The following NOTCH2NLR variants were observed in gnomAD, a reference collection of about 807,000 sequenced individuals.
NOTCH2NLR encodes notch 2 N-terminal like R (pseudogene).
Under a neutral mutation model 35.6 loss-of-function variants are expected in NOTCH2NLR, and 33 were observed. The observed-to-expected ratio is 0.93, with a 90% CI of 0.70 to 1.24. NOTCH2NLR has a LOEUF of 1.24. NOTCH2NLR is among the 50% of genes most tolerant of loss of function. The pLI, the probability that NOTCH2NLR is intolerant of heterozygous loss-of-function variation, is 0.00. For synonymous variants in NOTCH2NLR, 103 were observed against 141.0 expected (o/e 0.73, Z 1.91); for missense variants, 276 against 362.2 (o/e 0.76, Z 1.93).
intron 2 of NOTCH2NLR, among the ~76,000 whole-genome samples, chr1:120,784,711 A>G (rs1651402198): frequency 8.5e-6 from 1 of 117,416 alleles, no homozygotes; most frequent in East Asian, 2.1e-4. Context: ...TTACTTAGTA[A>G]TTTTGTTTTC....
chr1:120,791,461 T>G lies in NOTCH2NLR; in HGVS notation c.416-1700T>G, dbSNP rs1209427056. ...GCACATATACACCATGGAATACTAT[T>G]CAGCCATAAAAAAGGATGAGTTCAT... On this transcript the variant is annotated intron_variant, in intron 3 of 4. Coordinates refer to ENST00000624419, the Ensembl canonical transcript of NOTCH2NLR. Among the ~76,000 whole-genome samples, 23 of 101,856 alleles carry G rather than the reference T, an allele frequency of 2.3e-4. 6 individuals are homozygous for G. Among genetic ancestry groups the G allele is most frequent in the Non-Finnish European group, 3.4e-4 (19 of 55,378 alleles). 66.8% of individuals were successfully genotyped at this position (101,856 alleles called of 152,430 possible).
At chr1:120,763,743 G>C in intron 2 of NOTCH2NLR, 34 bp downstream of exon 2, 1 of 862,404 alleles carries the variant, frequency 1.2e-6, no homozygotes. Flanking sequence ...TTCTTTTTGC[G>C]ATAGAACACT....
At chr1:120,728,870 G>A (rs1326712195) in intron 1 of NOTCH2NLR, among the ~76,000 whole-genome samples, 4 of 110,122 alleles carry the variant, frequency 3.6e-5, no homozygotes, top group South Asian at 2.6e-4. Context: ...AAAACTAAAG[G>A]TGAAATATGA....
chr1:120,764,269 T>TA lies in NOTCH2NLR; in HGVS notation c.155+567dup, dbSNP rs1360663412. On this transcript the variant is annotated intron_variant, in intron 2 of 4. Transcript: ENST00000624419. ...CTCAAAAAGAAATAAAAAAAATATA[T>TA]AAAAAAATATATATTAGATTCCCTT... Among the ~76,000 whole-genome samples, 2 of 107,366 alleles carry TA rather than the reference T, an allele frequency of 1.9e-5. 1 individual carries two copies. Among genetic ancestry groups the TA allele is most frequent in the South Asian group, 5.4e-4 (2 of 3,694 alleles). 70.4% of individuals were successfully genotyped at this position (107,366 alleles called of 152,430 possible).
intron 1 of NOTCH2NLR, among the ~76,000 whole-genome samples, chr1:120,733,146 A>G (rs1650882194): frequency 9.5e-6 from 1 of 105,564 alleles, no homozygotes; most frequent in Non-Finnish European, 1.7e-5. Context: ...TAGTTTATGA[A>G]CAGATCTACA....
rs1487325463 is a variant in NOTCH2NLR, at chr1:120,755,934, T to C, written c.74-7694T>C. On this transcript the variant is annotated intron_variant, in intron 1 of 4. Coordinates refer to ENST00000624419, the Ensembl canonical transcript of NOTCH2NLR. ...ACAAAATCGATTTATCTCTTATTGC[T>C]TTTTTTTTTTTTTTTTTTTTTCCTT... is the stretch of plus-strand genomic sequence containing the variant. 2.2e-5 allele frequency among the ~76,000 whole-genome samples: 2 copies of C among 92,352 alleles called. 1 individual carries two copies. Among genetic ancestry groups the C allele is most frequent in the Non-Finnish European group, 3.9e-5 (2 of 51,124 alleles). 60.6% of individuals were successfully genotyped at this position (92,352 alleles called of 152,430 possible). A position where few individuals can be genotyped will look rare whatever the true frequency, so the allele number is the denominator to read the frequency against.
chr1:120,793,812 A>T (rs1333595362), exon 5 of NOTCH2NLR: 42,903 of 959,052 alleles, frequency 0.045, 7,921 homozygotes, highest in Non-Finnish European at 0.052. Flanking sequence ...ATGGAAAAGA[A>T]CACGATGAGA....
rs1353895584 is a variant in NOTCH2NLR, at chr1:120,790,464, G to A, written c.416-2697G>A. Among the ~76,000 whole-genome samples, 3 of 116,922 alleles carry A rather than the reference G, an allele frequency of 2.6e-5. 1 individual carries two copies. Among genetic ancestry groups the A allele is most frequent in the Non-Finnish European group, 4.9e-5 (3 of 60,904 alleles). The allele number at this position is 116,922 out of a possible 152,430, so 76.7% of individuals were successfully genotyped here. A position where few individuals can be genotyped will look rare whatever the true frequency, so the allele number is the denominator to read the frequency against. On this transcript the variant is annotated intron_variant, in intron 3 of 4. Transcript: ENST00000624419. ...ACTCAGAGATGAAGAAGCAGAGGCA[G>A]CAAGTTAGTGCCTATACATAATATA...
In NOTCH2NLR at chr1:120,767,683, G is replaced by A. The variant is rs1651209103; in HGVS notation, c.155+3974G>A. ...TTTTATTCTTTCCCTTGTCCTACTG[G>A]GAGGTGTAAATATGTAATTAAATTT... On this transcript the variant is annotated intron_variant, in intron 2 of 4. Transcript: ENST00000624419. Among the ~76,000 whole-genome samples the A allele has an allele frequency of 4.6e-5, 5 of 108,532 alleles. No homozygotes were observed. In the South Asian group the frequency reaches 1.4e-3, roughly 30 times the overall value. The allele number at this position is 108,532 out of a possible 152,430, so 71.2% of individuals were successfully genotyped here.
intron 3 of NOTCH2NLR, among the ~76,000 whole-genome samples, chr1:120,790,552 CTT>C (rs1651477647): frequency 1.0e-5 from 1 of 97,758 alleles, no homozygotes; most frequent in South Asian, 3.0e-4. Flanking sequence ...TTCTTTCTTT[CTT>C]TCTTTCTTTC....
At chr1:120,727,790 T>A (rs1650831592) in intron 1 of NOTCH2NLR, among the ~76,000 whole-genome samples, 1 of 118,038 alleles carries the variant, frequency 8.5e-6, no homozygotes, top group Non-Finnish European at 1.6e-5. Context: ...GCTTTCCTGA[T>A]TTTCCTGTTT....
Position 120,785,138 on chromosome 1 carries a change from A to T in NOTCH2NLR, c.320A>T (p.His107Leu), listed in dbSNP as rs1651407377. 21 of 1,446,234 alleles carry T rather than the reference A, an allele frequency of 1.5e-5. 4 individuals are homozygous for T. The highest frequency in any genetic ancestry group is 1.8e-5 in the Non-Finnish European group (19 of 1,082,352). The allele number at this position is 1,446,234 out of a possible 1,614,324, so 89.6% of individuals were successfully genotyped here. The stretch of plus-strand genomic sequence containing the variant: ...GAGGACTGCCAGTACTCGACACCTC[A>T]TCCATGCTTTGTGTCTCGACCTTGC... Residue 107 changes from histidine (H) to leucine (L), a missense_variant, in exon 3 of 5, where the codon CAT becomes CTT. Transcript: ENST00000624419.
intron 2 of NOTCH2NLR, among the ~76,000 whole-genome samples, chr1:120,780,102 A>G (rs2101443221): frequency 8.1e-6 from 1 of 124,176 alleles, no homozygotes; most frequent in African/African-American, 4.0e-5. Flanking sequence ...ATCACATGAA[A>G]TTTAGCCTGC....
chr1:120,759,924 A>G (rs1390001571), intron 1 of NOTCH2NLR, among the ~76,000 whole-genome samples: 1 of 102,204 alleles, frequency 9.8e-6, no homozygotes, highest in Non-Finnish European at 1.8e-5. Context: ...ATATACAAAA[A>G]AATTCTTCTT....
rs1376656271 is a variant in NOTCH2NLR at position 120,724,150 on chromosome 1, G to A, written c.-28G>A. 48 of 583,598 alleles carry A rather than the reference G, an allele frequency of 8.2e-5. 10 individuals are homozygous for A. Among genetic ancestry groups the A allele is most frequent in the Non-Finnish European group, 1.1e-4 (45 of 396,820 alleles). The allele number at this position is 583,598 out of a possible 1,614,324, so 36.2% of individuals were successfully genotyped here. On this transcript the variant is annotated 5_prime_UTR_variant, in exon 1 of 5. Transcript: ENST00000624419. ...CCCAGGCGGCGGCGGCGGCGGCGGC[G>A]GAGGAGGAGGAGGAGGCGACCGAGA...
chr1:120,760,543 C>T lies in NOTCH2NLR; in HGVS notation c.74-3085C>T, dbSNP rs1651125981. 5.1e-5 allele frequency among the ~76,000 whole-genome samples: 2 copies of T among 39,566 alleles called. 1 individual carries two copies. The allele number at this position is 39,566 out of a possible 152,430, so 26.0% of individuals were successfully genotyped here. A position where few individuals can be genotyped will look rare whatever the true frequency, so the allele number is the denominator to read the frequency against. ...CCATAACTTGGTATGGGTGTACAGA[C>T]ATCTTTTCAATAAACTGATTTAAAA... On this transcript the variant is annotated intron_variant, in intron 1 of 4. Transcript: ENST00000624419.
chr1:120,768,013 T>C (rs1377277328), intron 2 of NOTCH2NLR, among the ~76,000 whole-genome samples: 1 of 112,466 alleles, frequency 8.9e-6, no homozygotes, highest in East Asian at 2.2e-4. Flanking sequence ...GTATGGTAGT[T>C]TTACATTACT....
intron 1 of NOTCH2NLR, among the ~76,000 whole-genome samples, chr1:120,752,552 A>ATTTTTT (rs1386751525): frequency 5.6e-3 from 50 of 8,972 alleles, no homozygotes; most frequent in Non-Finnish European, 7.0e-3. Flanking sequence ...ATATATATAT[A>ATTTTTT]TATTTTTTTT....
At position 120,790,480 on chromosome 1, in the gene NOTCH2NLR, AC is replaced by A. The variant is rs1377781803; in HGVS notation, c.416-2680del. ...GCAGAGGCAGCAAGTTAGTGCCTAT[AC>A]ATAATATATATGGAAACCAAATTCA... On this transcript the variant is annotated intron_variant, in intron 3 of 4. Transcript: ENST00000624419. Among the ~76,000 whole-genome samples the A allele has an allele frequency of 6.0e-5, 7 of 116,608 alleles. 3 individuals are homozygous for A. The highest frequency in any genetic ancestry group is 3.5e-4 in the African/African-American group (7 of 19,842). The allele number at this position is 116,608 out of a possible 152,430, so 76.5% of individuals were successfully genotyped here. A position where few individuals can be genotyped will look rare whatever the true frequency, so the allele number is the denominator to read the frequency against.
Sources: allele counts gnomAD v4.1 joint callset (sites outside exome capture counted in the v4.1 genomes callset), GRCh38; gene constraint gnomAD v4.1.1; transcripts MANE v1.5; gene names NCBI Gene and HGNC (gene_info 2026-07-23, HGNC 2026-07-21).